CATIP: variants seen among roughly 807,000 people sequenced by gnomAD.
CATIP encodes ciliogenesis-associated TTC17-interacting protein.
Under a neutral mutation model 42.5 loss-of-function variants are expected in CATIP, and 40 were observed. The ratio of observed to expected loss-of-function variants is 0.94; its 90% CI spans 0.73 to 1.22. The LOEUF is 1.22. Ranked by LOEUF, CATIP falls within the 50% of genes most tolerant of loss-of-function variation. The pLI, the probability that CATIP is intolerant of heterozygous loss-of-function variation, is 0.00. For synonymous variants in CATIP, 222 were observed against 200.2 expected, an observed-to-expected ratio of 1.11 and a Z score of -0.92; for missense variants, 489 against 496.0, an observed-to-expected ratio of 0.99 and a Z score of 0.13.
At chr2:218,357,856 C>CGG (rs918456652) in intron 3 of CATIP, 122 bp downstream of exon 3, 3 of 1,168,290 alleles carry the variant, frequency 2.6e-6, no homozygotes, top group Middle Eastern at 4.3e-4. Flanking sequence ...GGACAAGGCA[C>CGG]GGGGTGGGAG....
In CATIP at chr2:218,358,053, G is replaced by A. The variant is rs916458911; in HGVS notation, c.336G>A (p.Lys112=). The change falls in exon 4 of 10, where the codon AAG becomes AAA. Residue 112 remains lysine, a synonymous_variant. Transcript: ENST00000289388. ...GNSLLGYLSE[K]LELMEQHSQD... Reference sequence around the variant, plus strand: ...GCACCCCAGGCTATCTCTCAGAGAAGCTGGAGCTCATGGAACAGCACAGCC... The same window carrying A: ...GCACCCCAGGCTATCTCTCAGAGAAACTGGAGCTCATGGAACAGCACAGCC... 2 of 1,614,014 alleles carry A rather than the reference G, an allele frequency of 1.2e-6. No homozygotes were observed. The highest frequency in any genetic ancestry group is 1.6e-4 in the Middle Eastern group (1 of 6,084).
At position 218,367,487 on chromosome 2, in the gene CATIP, T is replaced by G; in HGVS notation, c.890T>G (p.Met297Arg). 6.2e-7 allele frequency: 1 copy of G among 1,614,084 alleles called. No individual in the cohort carries two copies. The highest frequency in any genetic ancestry group is 1.1e-5 in the South Asian group (1 of 91,082). The change falls in exon 9 of 10, where the codon ATG (methionine) becomes AGG (arginine). Residue 297 changes from methionine (M) to arginine (R), a missense_variant. Physicochemically the swap from Met to Arg is moderately conservative, Grantham distance 91. Transcript: ENST00000289388. ...EKKPLVWEED[M>R]ELYSKFLDRK... Reference sequence around the variant, plus strand: ...AAGCCCCTGGTATGGGAGGAGGATATGGAGCTCTATTCGAAGTTCCTGGAC... The same window carrying G: ...AAGCCCCTGGTATGGGAGGAGGATAGGGAGCTCTATTCGAAGTTCCTGGAC...
chr2:218,356,912 G>A lies in CATIP; in HGVS notation c.25+3G>A. ...GTCCTCCAAGGTTTACTCCACAGGTGGGAAGAGGACTGCTGGGGCTGGAGG... is the reference window on the plus strand; with the variant it reads ...GTCCTCCAAGGTTTACTCCACAGGTAGGAAGAGGACTGCTGGGGCTGGAGG... On this transcript the variant is annotated splice_donor_region_variant and intron_variant, in intron 1 of 9. Transcript: ENST00000289388. 6.2e-7 allele frequency: 1 copy of A among 1,614,098 alleles called. No individual in the cohort carries two copies. Among genetic ancestry groups the A allele is most frequent in the Non-Finnish European group, 8.5e-7 (1 of 1,179,988 alleles).
chr2:218,364,250 C>G (rs997863840), intron 6 of CATIP, among the ~76,000 whole-genome samples: 1 of 152,194 alleles, frequency 6.6e-6, no homozygotes, highest in African/African-American at 2.4e-5. Context: ...AGCCTGCCAG[C>G]AACAGCACAG....
Position 218,362,899 on chromosome 2 carries a change from C to T in CATIP, c.627C>T (p.Thr209=), listed in dbSNP as rs1390518507. ...CCGAGGGCAAACTCTGCTATTTGAC[C>T]TATGTAAGGGGTCCCCTTGGGCAGG... ...LDTEGKLCYL[T]YQNLGFQTIQ... The change falls in exon 6 of 10, where the codon ACC becomes ACT. Residue 209 remains threonine, a synonymous_variant. Transcript: ENST00000289388. 6.2e-7 allele frequency: 1 copy of T among 1,612,624 alleles called. No individual in the cohort carries two copies. Among genetic ancestry groups the T allele is most frequent in the Non-Finnish European group, 8.5e-7 (1 of 1,179,384 alleles).
chr2:218,364,691 C>G lies in CATIP; in HGVS notation c.694C>G (p.Gln232Glu). The stretch of plus-strand genomic sequence containing the variant: ...GCAGGCTGAAGTCTTCATCGTGGAG[C>G]AGACTGTCCACGCGGAGGAGGGCAT... ...HQQAEVFIVEQTVHAEEGIPM... is the reference protein window; with the variant it reads ...HQQAEVFIVEETVHAEEGIPM... Residue 232 changes from glutamine (Q) to glutamate (E), a missense_variant, in exon 7 of 10, where the codon CAG (glutamine) becomes GAG (glutamate). By Grantham distance (29) the Gln-to-Glu change is conservative. Coordinates refer to ENST00000289388, the MANE Select transcript of CATIP (RefSeq NM_198559.2). 1 of 1,614,044 alleles carries G rather than the reference C, an allele frequency of 6.2e-7. No homozygotes were observed. Among genetic ancestry groups the G allele is most frequent in the Non-Finnish European group, 8.5e-7 (1 of 1,179,952 alleles).
intron 2 of CATIP, 121 bp downstream of exon 2, chr2:218,357,308 A>T: frequency 3.1e-6 from 2 of 654,692 alleles, no homozygotes; most frequent in Non-Finnish European, 4.8e-6. Context: ...TTCTCCTGGG[A>T]CTCAGAAAAG....
intron 8 of CATIP, 86 bp from the exon 9 acceptor site, chr2:218,367,341 CCTT>C: frequency 8.1e-7 from 1 of 1,238,634 alleles, no homozygotes; most frequent in South Asian, 1.2e-5. Flanking sequence ...TTCACCTGAG[CCTT>C]CTGTTTGGGT....
chr2:218,364,874 T>A, intron 7 of CATIP, 122 bp downstream of exon 7: 1 of 1,100,928 alleles, frequency 9.1e-7, no homozygotes. Context: ...TCCCTCCGCT[T>A]TATCCATATC....
chr2:218,357,576 C>G lies in CATIP; in HGVS notation c.161C>G (p.Ala54Gly), dbSNP rs778455674. Residue 54 changes from alanine to glycine, a missense_variant, in exon 3 of 10, where the codon GCC becomes GGC. By Grantham distance (60) the Ala-to-Gly change is moderately conservative. Transcript: ENST00000289388. ...ATGCTGTTCTTCTCTGAGACGCTGGCCATGGTCTCAGACACCGGGGAGCCT... is the reference window on the plus strand; with the variant it reads ...ATGCTGTTCTTCTCTGAGACGCTGGGCATGGTCTCAGACACCGGGGAGCCT... Reference protein sequence around the residue: ...LQMLFFSETLAMVSDTGEPQG... With the variant: ...LQMLFFSETLGMVSDTGEPQG... 7 of 1,613,944 alleles carry G rather than the reference C, an allele frequency of 4.3e-6. No individual in the cohort carries two copies. In the African/African-American group the frequency reaches 8.0e-5, roughly 18 times the overall value.
In CATIP at chr2:218,367,747, G is replaced by C. The variant is rs139704670; in HGVS notation, c.947G>C (p.Ser316Thr). 4.6e-4 allele frequency: 742 copies of C among 1,606,638 alleles called. 6 individuals are homozygous for C. In the African/African-American group the frequency reaches 7.7e-3, roughly 17 times the overall value. ...RKEELRLGHA[S>T]YLRQHPEAHA... ...GAGGAGCTCCGGCTCGGCCACGCCA[G>C]CTATCTGCGGCAGCACCCCGAAGCC... Residue 316 changes from serine to threonine, a missense_variant, in exon 10 of 10, where the codon AGC (serine) becomes ACC (threonine). Transcript: ENST00000289388.
At position 218,357,612 on chromosome 2, in the gene CATIP, T is replaced by A; in HGVS notation, c.197T>A (p.Leu66Gln). The A allele has an allele frequency of 4.3e-6, 7 of 1,614,066 alleles. No individual in the cohort carries two copies. The highest frequency in any genetic ancestry group is 5.9e-6 in the Non-Finnish European group (7 of 1,179,976). The change falls in exon 3 of 10, where the codon CTG becomes CAG. Residue 66 changes from leucine to glutamine, a missense_variant. Transcript: ENST00000289388. Reference sequence around the variant, plus strand: ...GACACCGGGGAGCCTCAGGGAGAGCTGACCATTGAGGTGCAGAGAGGGAAA... The same window carrying A: ...GACACCGGGGAGCCTCAGGGAGAGCAGACCATTGAGGTGCAGAGAGGGAAA... ...VSDTGEPQGE[L>Q]TIEVQRGKYQ...
intron 4 of CATIP, among the ~76,000 whole-genome samples, chr2:218,360,168 A>G (rs1695184194): frequency 7.7e-6 from 1 of 130,054 alleles, no homozygotes; most frequent in Non-Finnish European, 1.7e-5. Context: ...TGTTTTTGAG[A>G]TGGAGTCTCA....
Position 218,364,702 on chromosome 2 carries a change from C to T in CATIP, c.705C>T (p.His235=), listed in dbSNP as rs142758364. ...TCTTCATCGTGGAGCAGACTGTCCACGCGGAGGAGGGCATCCCCATGTCCT... is the reference window on the plus strand; with the variant it reads ...TCTTCATCGTGGAGCAGACTGTCCATGCGGAGGAGGGCATCCCCATGTCCT... ...AEVFIVEQTV[H]AEEGIPMSCQ... Residue 235 remains histidine, a synonymous_variant, in exon 7 of 10, where the codon CAC becomes CAT. Coordinates refer to ENST00000289388, the MANE Select transcript of CATIP (RefSeq NM_198559.2). The T allele has an allele frequency of 2.1e-5, 34 of 1,613,912 alleles. No individual in the cohort carries two copies. Among genetic ancestry groups the T allele is most frequent in the Middle Eastern group, 1.6e-4 (1 of 6,062 alleles).
chr2:218,359,847 CAG>C (rs1173567181), intron 4 of CATIP, among the ~76,000 whole-genome samples: 1 of 151,038 alleles, frequency 6.6e-6, no homozygotes, highest in Non-Finnish European at 1.5e-5. Flanking sequence ...ATTTTTGAGA[CAG>C]AGTCTTGCTC....
intron 7 of CATIP, 47 bp downstream of exon 7, chr2:218,364,799 G>A: frequency 6.3e-7 from 1 of 1,576,636 alleles, no homozygotes; most frequent in Non-Finnish European, 8.6e-7. Context: ...GAGCTTGTAG[G>A]TGCTCAAGGA....
Position 218,367,978 on chromosome 2 carries a change from C to G in CATIP, c.*14C>G. 1 of 1,546,854 alleles carries G rather than the reference C, an allele frequency of 6.5e-7. No individual in the cohort carries two copies. Among genetic ancestry groups the G allele is most frequent in the African/African-American group, 1.4e-5 (1 of 73,088 alleles). On this transcript the variant is annotated 3_prime_UTR_variant, in exon 10 of 10. Transcript: ENST00000289388. ...GGGGCGGCCTAAGCGGGGCCCAGGCCCGGACAGGGCAGGAAACCAGGGGTC... is the reference window on the plus strand; with the variant it reads ...GGGGCGGCCTAAGCGGGGCCCAGGCGCGGACAGGGCAGGAAACCAGGGGTC...
chr2:218,360,108 G>A (rs1450537644), intron 4 of CATIP, among the ~76,000 whole-genome samples: 1 of 151,986 alleles, frequency 6.6e-6, no homozygotes, highest in Admixed American at 6.6e-5. Context: ...TTACAGGCAT[G>A]AGCCACAACA....
Position 218,367,498 on chromosome 2 carries a change from T to C in CATIP, c.901T>C (p.Ser301Pro). 6.2e-7 allele frequency: 1 copy of C among 1,614,172 alleles called. No homozygotes were observed. The highest frequency in any genetic ancestry group is 8.5e-7 in the Non-Finnish European group (1 of 1,180,026). The change falls in exon 9 of 10, where the codon TCG becomes CCG. Residue 301 changes from serine (S) to proline (P), a missense_variant. Coordinates refer to ENST00000289388, the MANE Select transcript of CATIP (RefSeq NM_198559.2). ...LVWEEDMELY[S>P]KFLDRKEELR... ...ATGGGAGGAGGATATGGAGCTCTATTCGAAGTTCCTGGACCGGAAGGTGAG... is the reference window on the plus strand; with the variant it reads ...ATGGGAGGAGGATATGGAGCTCTATCCGAAGTTCCTGGACCGGAAGGTGAG...
Sources: allele counts gnomAD v4.1 joint callset (sites outside exome capture counted in the v4.1 genomes callset), GRCh38; gene constraint gnomAD v4.1.1; transcripts MANE v1.5; gene names NCBI Gene and HGNC (gene_info 2026-07-23, HGNC 2026-07-21).